LANCL3: variants seen among roughly 807,000 people sequenced by gnomAD.
LANCL3 encodes the protein lanC-like protein 3.
In LANCL3, 19 loss-of-function variants were observed where a neutral mutation model predicts 26.5. The observed-to-expected ratio is 0.72, with a 90% CI of 0.50 to 1.05. LANCL3 has a LOEUF of 1.05. Ranked by LOEUF, LANCL3 falls within the 50% of genes least tolerant of loss-of-function variation. The probability of loss-of-function intolerance (pLI) is 0.00; values close to 1 mark genes in which losing one functional copy is unlikely to be tolerated. For missense variants in LANCL3, 318 were observed against 362.7 expected, an observed-to-expected ratio of 0.88 and a Z score of 1.00; for synonymous variants, 160 against 166.6, an observed-to-expected ratio of 0.96 and a Z score of 0.30.
intron 1 of LANCL3, among the ~76,000 whole-genome samples, chrX:37,621,634 A>G (rs1352052096): frequency 5.3e-5 from 6 of 112,266 alleles, no homozygotes; most frequent in African/African-American, 1.9e-4. Context: ...TGCTTTGTTG[A>G]AGAAAATATT....
intron 1 of LANCL3, among the ~76,000 whole-genome samples, chrX:37,645,761 T>A (rs1226775115): frequency 1.8e-5 from 2 of 112,153 alleles, no homozygotes; most frequent in African/African-American, 6.5e-5. Context: ...TCAAGTGTGG[T>A]TGATGAACCA....
intron 1 of LANCL3, among the ~76,000 whole-genome samples, chrX:37,581,882 T>C (rs1923904378): frequency 9.0e-6 from 1 of 111,088 alleles, no homozygotes; most frequent in Admixed American, 9.5e-5. Context: ...GCTGCACCCA[T>C]TAACTCGTCA....
chrX:37,582,484 G>A (rs1167622735), intron 1 of LANCL3, among the ~76,000 whole-genome samples: 1 of 112,035 alleles, frequency 8.9e-6, no homozygotes, highest in Non-Finnish European at 1.9e-5. Context: ...TCTAACTGGT[G>A]TGAGGGGGTG....
intron 1 of LANCL3, among the ~76,000 whole-genome samples, chrX:37,615,867 TTGTC>T (rs1447558329): frequency 1.8e-5 from 2 of 111,994 alleles, no homozygotes; most frequent in African/African-American, 6.5e-5. Context: ...TCTCATTAAA[TTGTC>T]TGAATAGCGA....
chrX:37,618,422 T>C (rs1303888091), intron 1 of LANCL3, among the ~76,000 whole-genome samples: 1 of 111,927 alleles, frequency 8.9e-6, no homozygotes, highest in Non-Finnish European at 1.9e-5. Context: ...AACCCTGTGT[T>C]AGTTTCCTAG....
intron 1 of LANCL3, among the ~76,000 whole-genome samples, chrX:37,634,139 G>A (rs1406560978): frequency 3.6e-5 from 4 of 112,490 alleles, no homozygotes; most frequent in South Asian, 3.7e-4. Flanking sequence ...GGGCAATGGC[G>A]GGCGCCCCTC....
chrX:37,584,031 C>T (rs1556417445), intron 1 of LANCL3, among the ~76,000 whole-genome samples: 1 of 111,595 alleles, frequency 9.0e-6, no homozygotes, highest in African/African-American at 3.3e-5. Flanking sequence ...ACATGAAGGG[C>T]TGTTTAATTT....
intron 2 of LANCL3, among the ~76,000 whole-genome samples, chrX:37,657,705 A>G (rs1228248351): frequency 6.3e-5 from 7 of 110,703 alleles, no homozygotes; most frequent in Non-Finnish European, 1.3e-4. Flanking sequence ...AGCTTAAACT[A>G]TATTTCTATC....
intron 1 of LANCL3, among the ~76,000 whole-genome samples, chrX:37,597,465 C>T (rs1448245049): frequency 9.0e-6 from 1 of 110,928 alleles, no homozygotes; most frequent in Non-Finnish European, 1.9e-5. Context: ...CATTTTACAT[C>T]CCCACCAGCA....
intron 1 of LANCL3, among the ~76,000 whole-genome samples, chrX:37,620,029 G>T (rs976565242): frequency 8.9e-6 from 1 of 112,153 alleles, no homozygotes; most frequent in Admixed American, 9.4e-5. Flanking sequence ...ACCTAGAAAC[G>T]TCTTTCCCTC....
chrX:37,639,103 A>G (rs1391204510), intron 1 of LANCL3, among the ~76,000 whole-genome samples: 1 of 107,149 alleles, frequency 9.3e-6, no homozygotes, highest in Non-Finnish European at 1.9e-5. Context: ...ATATTCTTAT[A>G]CAAATGGGCC....
chrX:37,573,713 G>T (rs1164144001), intron 1 of LANCL3, among the ~76,000 whole-genome samples: 1 of 111,589 alleles, frequency 9.0e-6, no homozygotes, highest in East Asian at 2.8e-4. Flanking sequence ...ATTTGCATCT[G>T]CTCCCCTCAC....
At chrX:37,587,968 C>T (rs1320734247) in intron 1 of LANCL3, among the ~76,000 whole-genome samples, 1 of 112,343 alleles carries the variant, frequency 8.9e-6, no homozygotes, top group Admixed American at 9.4e-5. Context: ...TTAAAGAGAA[C>T]ATAGTTCGTA....
intron 1 of LANCL3, among the ~76,000 whole-genome samples, chrX:37,591,993 A>G (rs3126470): frequency 1.3e-3 from 143 of 110,703 alleles, no homozygotes; most frequent in African/African-American, 3.1e-3. Flanking sequence ...GATTGAATTA[A>G]AGAAACTCAG....
At chrX:37,650,932 A>G (rs2146775516) in intron 1 of LANCL3, among the ~76,000 whole-genome samples, 1 of 83,781 alleles carries the variant, frequency 1.2e-5, no homozygotes, top group Non-Finnish European at 2.1e-5. Flanking sequence ...CCTTGTGTCC[A>G]GGTGTTCTCA....
rs926983462 is a variant in LANCL3 at position 37,604,869 on chromosome X, G to A, written c.573+32426G>A. Among the ~76,000 whole-genome samples the A allele has an allele frequency of 3.5e-5, 4 of 112,799 alleles. No individual in the cohort carries two copies. In the Admixed American group the frequency reaches 3.7e-4, roughly 11 times the overall value. On this transcript the variant is annotated intron_variant, in intron 1 of 4. Transcript: ENST00000378619. ...ATGGAAGGAGCTACAAAGTAAAATAGCAAAAGTCATTGATGCAGAGAGGGA... is the reference window on the plus strand; with the variant it reads ...ATGGAAGGAGCTACAAAGTAAAATAACAAAAGTCATTGATGCAGAGAGGGA...
intron 1 of LANCL3, among the ~76,000 whole-genome samples, chrX:37,588,468 G>A (rs1283582259): frequency 3.6e-5 from 4 of 111,555 alleles, no homozygotes; most frequent in Non-Finnish European, 5.7e-5. Context: ...ATGTATGCAT[G>A]TGTATATAAG....
At chrX:37,632,763 A>T (rs1925565901) in intron 1 of LANCL3, among the ~76,000 whole-genome samples, 1 of 111,610 alleles carries the variant, frequency 9.0e-6, no homozygotes, top group Non-Finnish European at 1.9e-5. Flanking sequence ...CTTGTCTTTA[A>T]GAATGTTGAA....
At chrX:37,624,952 C>T (rs1391860100) in intron 1 of LANCL3, among the ~76,000 whole-genome samples, 1 of 111,874 alleles carries the variant, frequency 8.9e-6, no homozygotes, top group African/African-American at 3.3e-5. Context: ...TCACCACTTT[C>T]ATGGCACCCC....
Sources: gnomAD v4.1 joint callset for allele counts (sites outside exome capture counted in the v4.1 genomes callset) on GRCh38, gnomAD v4.1.1 for gene constraint, MANE v1.5 for transcripts, NCBI Gene and HGNC (gene_info 2026-07-23, HGNC 2026-07-21) for gene names.